Variants in ATP8B1 observed in about 807,000 individuals in gnomAD.
ATP8B1 encodes the protein phospholipid-transporting ATPase IC.
A neutral mutation model predicts 149.9 loss-of-function variants in ATP8B1; 80 were observed. That is an observed-to-expected ratio of 0.53 (90% confidence interval 0.45 to 0.64). ATP8B1 has a LOEUF of 0.64. ATP8B1 is among the 30% of genes least tolerant of loss of function. ATP8B1 has a pLI of 0.00. For missense variants in ATP8B1, 1,247 were observed against 1,552.6 expected (o/e 0.80, Z 3.31); for synonymous variants, 536 against 562.8 (o/e 0.95, Z 0.67).
intron 22 of ATP8B1, among the ~76,000 whole-genome samples, chr18:57,659,137 A>C (rs780008610): frequency 6.6e-6 from 1 of 152,006 alleles, no homozygotes; most frequent in African/African-American, 2.4e-5. Context: ...TTAGCTGGGC[A>C]TGGTGGCTCA....
At chr18:57,766,239 T>G (rs2080210822) in intron 1 of ATP8B1, among the ~76,000 whole-genome samples, 1 of 151,930 alleles carries the variant, frequency 6.6e-6, no homozygotes, top group Non-Finnish European at 1.5e-5. Context: ...AAGACACGGT[T>G]TCACCATATT....
intron 2 of ATP8B1, among the ~76,000 whole-genome samples, chr18:57,708,157 C>CAAAAAAAAAAAAAA (rs36027330): frequency 1.5e-5 from 1 of 67,074 alleles, no homozygotes; most frequent in Non-Finnish European, 2.8e-5. Context: ...AACTCTGTCT[C>CAAAAAAAAAAAAAA]AAAAAAAAAA....
chr18:57,648,666 C>CGCTG lies in ATP8B1; in HGVS notation c.3574_3577dup (p.Arg1193ProfsTer44), dbSNP rs2122526758. ...GCCCCGGCGGAACACCTGCTGCCGT[C>CGCTG]GCTGCCACTGCTCCTCCGCCTTCAA... On this transcript the variant is annotated frameshift_variant, in exon 28 of 28. Coordinates refer to ENST00000648908, the MANE Select transcript of ATP8B1 (RefSeq NM_001374385.1). LOFTEE classifies it high-confidence loss of function. 6.4e-7 allele frequency: 1 copy of CGCTG among 1,573,812 alleles called. No individual in the cohort carries two copies. The highest frequency in any genetic ancestry group is 1.2e-5 in the South Asian group (1 of 86,868).
At chr18:57,668,197 C>T (rs1911000740) in intron 19 of ATP8B1, 1 of 1,438,814 alleles carries the variant, frequency 7.0e-7, no homozygotes, top group Non-Finnish European at 9.2e-7. Flanking sequence ...ATCAGCAAGA[C>T]ATGGCCAGGA....
intron 12 of ATP8B1, among the ~76,000 whole-genome samples, chr18:57,691,254 T>C (rs931242054): frequency 1.3e-5 from 2 of 151,754 alleles, no homozygotes; most frequent in Non-Finnish European, 2.9e-5. Flanking sequence ...ATCGGAGATA[T>C]GCCCCTGACT....
chr18:57,671,578 T>C lies in ATP8B1; in HGVS notation c.1822A>G (p.Arg608Gly). 6.2e-7 allele frequency: 1 copy of C among 1,603,074 alleles called. No individual in the cohort carries two copies. Among genetic ancestry groups the C allele is most frequent in the Non-Finnish European group, 8.5e-7 (1 of 1,169,884 alleles). ...SDRKRMSIIV[R>G]TPEGNIKLYC... Reference sequence around the variant, plus strand: ...AGCTTGATATTGCCTTCTGGGGTTCTTACTGGTAGTAAAAGAAGGAAATAA... The same window carrying C: ...AGCTTGATATTGCCTTCTGGGGTTCCTACTGGTAGTAAAAGAAGGAAATAA... Residue 608 changes from arginine to glycine, a missense_variant and splice_region_variant, in exon 17 of 28, where the codon AGA becomes GGA. Transcript: ENST00000648908.
At chr18:57,758,366 C>T (rs547631363) in intron 1 of ATP8B1, among the ~76,000 whole-genome samples, 14 of 152,106 alleles carry the variant, frequency 9.2e-5, no homozygotes, top group African/African-American at 3.1e-4. Context: ...ATAGGCCAGG[C>T]GCGGTGCCTC....
chr18:57,727,139 C>T (rs151025197), intron 2 of ATP8B1, among the ~76,000 whole-genome samples: 105 of 152,152 alleles, frequency 6.9e-4, no homozygotes, highest in African/African-American at 2.4e-3. Flanking sequence ...CACAGTATCA[C>T]CACCCTTCCC....
At chr18:57,791,947 G>C (rs942089427) in intron 1 of ATP8B1, among the ~76,000 whole-genome samples, 1 of 152,156 alleles carries the variant, frequency 6.6e-6, no homozygotes, top group African/African-American at 2.4e-5. Context: ...GCTCCTCACT[G>C]TGTTTACTGC....
At chr18:57,688,085 G>A (rs1232482196) in intron 13 of ATP8B1, among the ~76,000 whole-genome samples, 1 of 152,024 alleles carries the variant, frequency 6.6e-6, no homozygotes, top group East Asian at 1.9e-4. Flanking sequence ...GCCTGGCTGT[G>A]AGCCCACTTC....
chr18:57,668,785 G>T, intron 18 of ATP8B1: 1 of 458,308 alleles, frequency 2.2e-6, no homozygotes, highest in Non-Finnish European at 3.8e-6. Flanking sequence ...AAAAATGCAA[G>T]TACAAAATCA....
intron 1 of ATP8B1, among the ~76,000 whole-genome samples, chr18:57,762,949 A>T (rs570952129): frequency 6.6e-6 from 1 of 152,328 alleles, no homozygotes; most frequent in East Asian, 1.9e-4. Context: ...TCTTGATCCA[A>T]AGATAACTGG....
chr18:57,711,265 G>A (rs1244465660), intron 2 of ATP8B1, among the ~76,000 whole-genome samples: 1 of 152,108 alleles, frequency 6.6e-6, no homozygotes, highest in Non-Finnish European at 1.5e-5. Context: ...AATGCCTACT[G>A]GGAACAGCCA....
chr18:57,783,481 C>T (rs1403456490), intron 1 of ATP8B1, among the ~76,000 whole-genome samples: 1 of 151,942 alleles, frequency 6.6e-6, no homozygotes, highest in South Asian at 2.1e-4. Context: ...TCGAATATGC[C>T]TGGTAGATGC....
In ATP8B1 at chr18:57,661,157, G is replaced by A. The variant is rs1356411059; in HGVS notation, c.2707+17C>T. 3 of 1,612,200 alleles carry A rather than the reference G, an allele frequency of 1.9e-6. No individual in the cohort carries two copies. The highest frequency in any genetic ancestry group is 1.3e-5 in the African/African-American group (1 of 74,888). On this transcript the variant is annotated intron_variant, in intron 22 of 27. Transcript: ENST00000648908. ...TCTAGCACGTTGGGCCTCACTGGCC[G>A]TGGGTGCATGACTCACTTTTGATCA...
intron 2 of ATP8B1, among the ~76,000 whole-genome samples, chr18:57,709,741 G>A (rs193130238): frequency 1.0e-3 from 155 of 150,668 alleles, no homozygotes; most frequent in Non-Finnish European, 1.9e-3. Flanking sequence ...GTGCAGTGGT[G>A]CGATCTCAGC....
At chr18:57,795,998 G>A (rs1599249678) in intron 1 of ATP8B1, among the ~76,000 whole-genome samples, 2 of 152,104 alleles carry the variant, frequency 1.3e-5, no homozygotes, top group East Asian at 1.9e-4. Flanking sequence ...GTGAAACCCT[G>A]TCTCTACTAA....
chr18:57,655,518 GACATTGATGGA>G (rs1909940825), intron 22 of ATP8B1, 101 bp from the exon 23 acceptor site: 2 of 1,018,444 alleles, frequency 2.0e-6, no homozygotes, highest in East Asian at 4.9e-5. Flanking sequence ...AACAAAGACA[GACATTGATGGA>G]ACAATAATAC....
chr18:57,675,429 T>A (rs1295746643), intron 15 of ATP8B1, among the ~76,000 whole-genome samples: 1 of 152,258 alleles, frequency 6.6e-6, no homozygotes, highest in East Asian at 1.9e-4. Flanking sequence ...CATCCCTTTT[T>A]AAATTCTTTA....
Sources: gnomAD v4.1 joint callset for allele counts (sites outside exome capture counted in the v4.1 genomes callset) on GRCh38, gnomAD v4.1.1 for gene constraint, MANE v1.5 for transcripts, NCBI Gene and HGNC (gene_info 2026-07-23, HGNC 2026-07-21) for gene names.